RBFOX1: variants seen among roughly 807,000 people sequenced by gnomAD.
RBFOX1 encodes RNA binding protein fox-1 homolog 1.
A neutral mutation model predicts 57.7 loss-of-function variants in RBFOX1; 8 were observed. The observed-to-expected ratio is 0.14, with a 90% CI of 0.08 to 0.25. RBFOX1 has a LOEUF of 0.25. Ranked by LOEUF, RBFOX1 falls within the 10% of genes least tolerant of loss-of-function variation. The pLI is 1.00. For synonymous variants in RBFOX1, 326 were observed against 222.4 expected (o/e 1.47, Z -4.15); for missense variants, 611 against 548.5 (o/e 1.11, Z -1.14).
chr16:5,944,923 G>T (rs1214625432), intron 4 of RBFOX1, among the ~76,000 whole-genome samples: 1 of 131,108 alleles, frequency 7.6e-6, no homozygotes, highest in South Asian at 2.5e-4. Context: ...CTGAGTTTGC[G>T]CCACTGCACT....
chr16:5,257,734 G>A (rs893793729), intron 1 of RBFOX1, among the ~76,000 whole-genome samples: 1 of 152,172 alleles, frequency 6.6e-6, no homozygotes, highest in African/African-American at 2.4e-5. Flanking sequence ...CCCAGTGTCA[G>A]CCTCCCCCAC....
intron 3 of RBFOX1, among the ~76,000 whole-genome samples, chr16:5,854,841 C>A (rs1471228439): frequency 6.6e-6 from 1 of 152,118 alleles, no homozygotes; most frequent in Non-Finnish European, 1.5e-5. Context: ...ACATTCCCAC[C>A]CACAATGTAG....
intron 2 of RBFOX1, among the ~76,000 whole-genome samples, chr16:6,402,496 G>T (rs1370904026): frequency 6.6e-6 from 1 of 152,142 alleles, no homozygotes; most frequent in Non-Finnish European, 1.5e-5. Context: ...AAGGGTGGTT[G>T]AAGTAATAAA....
At chr16:5,904,222 A>C (rs1165851446) in intron 4 of RBFOX1, among the ~76,000 whole-genome samples, 2 of 152,020 alleles carry the variant, frequency 1.3e-5, no homozygotes, top group African/African-American at 4.8e-5. Context: ...CAAGCCTTGA[A>C]ATTCTTCCCA....
intron 4 of RBFOX1, among the ~76,000 whole-genome samples, chr16:7,200,450 C>G (rs1486156288): frequency 1.3e-5 from 2 of 152,194 alleles, no homozygotes; most frequent in Non-Finnish European, 2.9e-5. Flanking sequence ...TATTGCACCT[C>G]TATTTATGGT....
At chr16:5,495,232 T>G (rs879298749) in intron 2 of RBFOX1, among the ~76,000 whole-genome samples, 3 of 152,212 alleles carry the variant, frequency 2.0e-5, no homozygotes, top group Non-Finnish European at 4.4e-5. Flanking sequence ...ACTTCCACCT[T>G]GAAGCACAAA....
At chr16:6,137,833 C>T (rs536251988) in intron 1 of RBFOX1, among the ~76,000 whole-genome samples, 2 of 152,132 alleles carry the variant, frequency 1.3e-5, no homozygotes, top group African/African-American at 2.4e-5. Context: ...GCTCTTGAAA[C>T]TCCGGGGCTC....
At chr16:6,732,596 G>T (rs1247741734) in intron 3 of RBFOX1, among the ~76,000 whole-genome samples, 2 of 152,210 alleles carry the variant, frequency 1.3e-5, no homozygotes, top group African/African-American at 4.8e-5. Flanking sequence ...CACGTAGTAG[G>T]TCTGCAAGGC....
chr16:7,414,223 A>G (rs1051653441), intron 4 of RBFOX1, among the ~76,000 whole-genome samples: 1 of 152,244 alleles, frequency 6.6e-6, no homozygotes, highest in Non-Finnish European at 1.5e-5. Flanking sequence ...TGGTAGGGAT[A>G]CAGAAATGGA....
intron 4 of RBFOX1, among the ~76,000 whole-genome samples, chr16:7,427,424 G>A (rs1358492954): frequency 6.6e-6 from 1 of 152,002 alleles, no homozygotes; most frequent in Admixed American, 6.6e-5. Context: ...GACAGGCTTG[G>A]TTTTGCAAAA....
At chr16:7,585,835 C>T (rs1263365531) in intron 6 of RBFOX1, among the ~76,000 whole-genome samples, 1 of 152,134 alleles carries the variant, frequency 6.6e-6, no homozygotes, top group East Asian at 1.9e-4. Context: ...TCTCTGGATA[C>T]TCTATGACTG....
chr16:6,768,041 G>T (rs2077656659), intron 3 of RBFOX1, among the ~76,000 whole-genome samples: 1 of 151,600 alleles, frequency 6.6e-6, no homozygotes, highest in Non-Finnish European at 1.5e-5. Context: ...AAATCACATT[G>T]TGAAGGAGCT....
chr16:5,496,665 G>C (rs1433250729), intron 2 of RBFOX1, among the ~76,000 whole-genome samples: 1 of 152,154 alleles, frequency 6.6e-6, no homozygotes, highest in African/African-American at 2.4e-5. Context: ...GTGAGGAGGA[G>C]ACGTGTTTGG....
chr16:7,473,501 G>T (rs960797799), intron 4 of RBFOX1, among the ~76,000 whole-genome samples: 1 of 147,698 alleles, frequency 6.8e-6, no homozygotes, highest in Non-Finnish European at 1.5e-5. Flanking sequence ...GTTTATATAT[G>T]TACATATGTA....
chr16:6,947,086 T>C (rs774813122), intron 3 of RBFOX1, among the ~76,000 whole-genome samples: 5 of 152,158 alleles, frequency 3.3e-5, no homozygotes, highest in Non-Finnish European at 7.3e-5. Flanking sequence ...TCTCAGAGAA[T>C]AGTTAAGAGG....
intron 2 of RBFOX1, among the ~76,000 whole-genome samples, chr16:6,594,537 A>G (rs1486339801): frequency 6.6e-6 from 1 of 152,126 alleles, no homozygotes; most frequent in Non-Finnish European, 1.5e-5. Flanking sequence ...CTGATTTTCC[A>G]GGAAAAGTCA....
At chr16:7,214,186 C>A (rs542706229) in intron 4 of RBFOX1, among the ~76,000 whole-genome samples, 5 of 152,042 alleles carry the variant, frequency 3.3e-5, no homozygotes, top group Non-Finnish European at 7.4e-5. Context: ...CACAGTAGAC[C>A]CTTCATTTAT....
At chr16:5,431,251 A>G (rs893985097) in intron 1 of RBFOX1, among the ~76,000 whole-genome samples, 2 of 152,254 alleles carry the variant, frequency 1.3e-5, no homozygotes, top group African/African-American at 4.8e-5. Context: ...TCTGAATGGC[A>G]CAAACTGCAG....
chr16:6,159,439 A>G (rs1398552468), intron 1 of RBFOX1, among the ~76,000 whole-genome samples: 1 of 152,194 alleles, frequency 6.6e-6, no homozygotes, highest in Non-Finnish European at 1.5e-5. Flanking sequence ...AGTTGTGAGC[A>G]AAGAATGCTC....
Sources: gnomAD v4.1 joint callset for allele counts (sites outside exome capture counted in the v4.1 genomes callset) on GRCh38, gnomAD v4.1.1 for gene constraint, MANE v1.5 for transcripts, NCBI Gene and HGNC (gene_info 2026-07-23, HGNC 2026-07-21) for gene names.